The following PTPRJ variants were observed in gnomAD, a reference collection of about 807,000 sequenced individuals.
PTPRJ encodes protein tyrosine phosphatase receptor type J.
A neutral mutation model predicts 141.3 loss-of-function variants in PTPRJ; 129 were observed. The observed-to-expected ratio is 0.91, with a 90% CI of 0.79 to 1.06. PTPRJ has a LOEUF of 1.06. PTPRJ is among the 50% of genes least tolerant of loss of function. The pLI, the probability that PTPRJ is intolerant of heterozygous loss-of-function variation, is 0.00. For missense variants in PTPRJ, 1,601 were observed against 1,679.7 expected (o/e 0.95, Z 0.82); for synonymous variants, 610 against 640.5 (o/e 0.95, Z 0.72).
Position 48,121,887 on chromosome 11 carries a change from A to T in PTPRJ, c.616+621A>T, listed in dbSNP as rs547950696. 3.5e-4 allele frequency among the ~76,000 whole-genome samples: 54 copies of T among 152,178 alleles called. 1 individual carries two copies. In the South Asian group the frequency reaches 9.1e-3, roughly 26 times the overall value. Reference sequence around the variant, plus strand: ...GAGGAGAACCAAAAATTGAAGAAAGAGGTCCTCTGTTAGTTTTCTGATCTA... The same window carrying T: ...GAGGAGAACCAAAAATTGAAGAAAGTGGTCCTCTGTTAGTTTTCTGATCTA... On this transcript the variant is annotated intron_variant, in intron 4 of 24. Transcript: ENST00000418331.
At chr11:48,164,599 C>T in intron 24 of PTPRJ, 84 bp downstream of exon 24, 2 of 1,335,918 alleles carry the variant, frequency 1.5e-6, no homozygotes, top group African/African-American at 1.9e-5. Context: ...CGGAGTCTTG[C>T]TCTGTCGCCC....
At chr11:47,982,181 C>T (rs1460118727) in intron 1 of PTPRJ, among the ~76,000 whole-genome samples, 2 of 152,204 alleles carry the variant, frequency 1.3e-5, no homozygotes, top group Non-Finnish European at 2.9e-5. Flanking sequence ...GGTCTCTCCT[C>T]GCAGTTTCCC....
chr11:48,011,865 G>A (rs1219328768), intron 1 of PTPRJ, among the ~76,000 whole-genome samples: 1 of 152,070 alleles, frequency 6.6e-6, no homozygotes, highest in African/African-American at 2.4e-5. Flanking sequence ...GGTCTTACCA[G>A]GTCGCCCAGG....
intron 6 of PTPRJ, 73 bp from the exon 7 acceptor site, chr11:48,127,707 A>G: frequency 6.7e-7 from 1 of 1,498,114 alleles, no homozygotes; most frequent in Non-Finnish European, 9.2e-7. Context: ...GCTTGACAGC[A>G]TGCCCTGATG....
At position 48,164,381 on chromosome 11, in the gene PTPRJ, G is replaced by A; in HGVS notation, c.3721G>A (p.Ala1241Thr). Residue 1241 changes from alanine to threonine, a missense_variant and splice_region_variant, in exon 24 of 25, where the codon GCT (alanine) becomes ACT (threonine). By Grantham distance (58) the Ala-to-Thr change is moderately conservative. Coordinates refer to ENST00000418331, the MANE Select transcript of PTPRJ (RefSeq NM_002843.4). ...PESPILVHCS[A>T]GVGRTGTFIA... is the part of the protein sequence containing the mutation. ...AGGCTTATTTCTCTTTTCTCTCAGT[G>A]CTGGGGTCGGAAGGACGGGCACTTT... 1 of 1,613,860 alleles carries A rather than the reference G, an allele frequency of 6.2e-7. No homozygotes were observed. The highest frequency in any genetic ancestry group is 8.5e-7 in the Non-Finnish European group (1 of 1,179,910).
rs530847252 is a variant in PTPRJ, at chr11:48,132,373, A to T, written c.1615+1657A>T. The T allele has an allele frequency of 1.9e-4, 182 of 966,952 alleles. 1 individual carries two copies. The African/African-American group carries it at 3.0e-3, about 16-fold the overall frequency. 59.9% of individuals were successfully genotyped at this position (966,952 alleles called of 1,614,324 possible). The stretch of plus-strand genomic sequence containing the variant: ...CTGGGAGACCCTGTCTCAAAAAAAA[A>T]TTTTTTTTTATAGAAACAGTTTAAA... On this transcript the variant is annotated intron_variant, in intron 8 of 24. Transcript: ENST00000418331.
intron 1 of PTPRJ, among the ~76,000 whole-genome samples, chr11:48,041,618 T>C (rs146796136): frequency 1.5e-3 from 221 of 152,258 alleles, no homozygotes; most frequent in African/African-American, 4.8e-3. Context: ...GACAATCTTT[T>C]ATTTTGTTTT....
rs569334095 is a variant in PTPRJ at position 48,109,229 on chromosome 11, G to C, written c.97-829G>C. Reference sequence around the variant, plus strand: ...TAAGTGTCATGGAAAGTAGGAGGACGGTTTTTTCCACCAGGGTCCTTTTTG... The same window carrying C: ...TAAGTGTCATGGAAAGTAGGAGGACCGTTTTTTCCACCAGGGTCCTTTTTG... On this transcript the variant is annotated intron_variant, in intron 1 of 24. Coordinates refer to ENST00000418331, the MANE Select transcript of PTPRJ (RefSeq NM_002843.4). 2.8e-4 allele frequency among the ~76,000 whole-genome samples: 43 copies of C among 152,018 alleles called. 2 individuals carry two copies. The highest frequency in any genetic ancestry group is 3.4e-3 in the Middle Eastern group (1 of 294).
At chr11:48,087,279 A>G (rs1855741798) in intron 1 of PTPRJ, among the ~76,000 whole-genome samples, 2 of 152,256 alleles carry the variant, frequency 1.3e-5, no homozygotes, top group African/African-American at 4.8e-5. Context: ...AAGGAAAGAG[A>G]TAAAGGATAA....
chr11:48,026,996 CTTTTTTTT>C (rs1206503872), intron 1 of PTPRJ, among the ~76,000 whole-genome samples: 2 of 113,230 alleles, frequency 1.8e-5, no homozygotes, highest in South Asian at 2.6e-4. Flanking sequence ...TTGGAATACC[CTTTTTTTT>C]TTTTTTTTTT....
intron 1 of PTPRJ, among the ~76,000 whole-genome samples, chr11:48,033,891 C>T (rs568708449): frequency 6.0e-4 from 92 of 152,338 alleles, no homozygotes; most frequent in African/African-American, 1.9e-4. Flanking sequence ...TTAGCAGATA[C>T]AGAGCGTTTG....
chr11:47,986,450 C>A (rs1378080196), intron 1 of PTPRJ, among the ~76,000 whole-genome samples: 1 of 152,226 alleles, frequency 6.6e-6, no homozygotes, highest in African/African-American at 2.4e-5. Flanking sequence ...CAAGGCCCAA[C>A]TGCTAGTTGT....
intron 1 of PTPRJ, among the ~76,000 whole-genome samples, chr11:48,093,180 G>A (rs1259361957): frequency 6.6e-6 from 1 of 152,168 alleles, no homozygotes; most frequent in African/African-American, 2.4e-5. Flanking sequence ...TGATTGCTCT[G>A]TAACTTTTCA....
intron 3 of PTPRJ, among the ~76,000 whole-genome samples, chr11:48,114,796 T>C (rs1856525199): frequency 6.6e-6 from 1 of 152,148 alleles, no homozygotes; most frequent in African/African-American, 2.4e-5. Flanking sequence ...TAGCAAACTT[T>C]AAGAAAATAC....
intron 1 of PTPRJ, among the ~76,000 whole-genome samples, chr11:48,071,216 A>G (rs974926149): frequency 6.6e-6 from 1 of 152,242 alleles, no homozygotes; most frequent in Admixed American, 6.5e-5. Context: ...TCATAATAAC[A>G]GTGGCCATTG....
At chr11:48,149,367 A>C in intron 15 of PTPRJ, 80 bp from the exon 16 acceptor site, 1 of 922,716 alleles carries the variant, frequency 1.1e-6, no homozygotes, top group South Asian at 1.5e-5. Flanking sequence ...TTCATAGATG[A>C]CATCAACTCC....
chr11:48,047,386 A>G (rs1393154762), intron 1 of PTPRJ, among the ~76,000 whole-genome samples: 1 of 152,180 alleles, frequency 6.6e-6, no homozygotes, highest in Non-Finnish European at 1.5e-5. Flanking sequence ...GTCTTGGTCT[A>G]AAGGTCAGAG....
At chr11:48,155,635 C>A (rs1414438103) in intron 19 of PTPRJ, among the ~76,000 whole-genome samples, 166 bp from the exon 20 acceptor site, 3 of 152,104 alleles carry the variant, frequency 2.0e-5, no homozygotes, top group South Asian at 2.1e-4. Context: ...TATAGAGTGA[C>A]CATGAGGATT....
Position 47,980,753 on chromosome 11 carries a change from TCCGGGGAAGC to T in PTPRJ, c.-153_-144del. On this transcript the variant is annotated 5_prime_UTR_variant, in exon 1 of 25. Transcript: ENST00000418331. ...CGGCCGCCGCCGCCGCTGCCATGTC[TCCGGGGAAGC>T]CCGGGGCGGGCGGAGCGGGGACGAG... 9.8e-7 allele frequency: 1 copy of T among 1,016,530 alleles called. No homozygotes were observed. Among genetic ancestry groups the T allele is most frequent in the South Asian group, 4.6e-5 (1 of 21,748 alleles). The allele number at this position is 1,016,530 out of a possible 1,614,324, so 63.0% of individuals were successfully genotyped here.
Sources: gnomAD v4.1 joint callset for allele counts (sites outside exome capture counted in the v4.1 genomes callset) on GRCh38, gnomAD v4.1.1 for gene constraint, MANE v1.5 for transcripts, NCBI Gene and HGNC (gene_info 2026-07-23, HGNC 2026-07-21) for gene names.